Variants in CPQ observed in about 807,000 individuals in gnomAD.
The protein encoded by CPQ is carboxypeptidase Q, also known as Ser-Met dipeptidase.
In CPQ, 37 loss-of-function variants were observed where a neutral mutation model predicts 45.7. The ratio of observed to expected loss-of-function variants is 0.81; its 90% CI spans 0.62 to 1.07. CPQ has a LOEUF of 1.07. Among genes scored for constraint, CPQ ranks in the 50% least tolerant of loss-of-function variants. The pLI is 0.00. For synonymous variants in CPQ, 186 were observed against 205.8 expected (o/e 0.90, Z 0.82); for missense variants, 537 against 572.9 (o/e 0.94, Z 0.64).
chr8:96,698,717 A>G (rs1046330061), intron 1 of CPQ, among the ~76,000 whole-genome samples: 9 of 151,728 alleles, frequency 5.9e-5, no homozygotes, highest in African/African-American at 2.2e-4. Context: ...GAAGGCAAAC[A>G]AGTGTTGCAA....
At chr8:96,870,027 TA>T (rs1407665771) in intron 3 of CPQ, among the ~76,000 whole-genome samples, 4 of 152,010 alleles carry the variant, frequency 2.6e-5, no homozygotes, top group Non-Finnish European at 5.9e-5. Flanking sequence ...TAAATGTGCG[TA>T]AATGGGTATA....
At chr8:97,017,364 C>A (rs1469483375) in intron 5 of CPQ, among the ~76,000 whole-genome samples, 1 of 152,182 alleles carries the variant, frequency 6.6e-6, no homozygotes, top group Admixed American at 6.5e-5. Context: ...AGGAAACCTC[C>A]AGCTGAACTT....
chr8:96,894,946 A>T (rs1283373977), intron 4 of CPQ, among the ~76,000 whole-genome samples: 1 of 152,228 alleles, frequency 6.6e-6, no homozygotes, highest in Non-Finnish European at 1.5e-5. Flanking sequence ...TTTACTTGGC[A>T]TCATGCTAAC....
At chr8:96,842,203 G>GA (rs989584132) in intron 3 of CPQ, among the ~76,000 whole-genome samples, 23 of 151,978 alleles carry the variant, frequency 1.5e-4, no homozygotes, top group African/African-American at 2.7e-4. Flanking sequence ...TTTTTAATGG[G>GA]AAAAAAATTA....
At chr8:96,738,137 A>C (rs1810016904) in intron 1 of CPQ, among the ~76,000 whole-genome samples, 1 of 152,066 alleles carries the variant, frequency 6.6e-6, no homozygotes, top group Non-Finnish European at 1.5e-5. Flanking sequence ...TTATGGCCTG[A>C]AATGTGGTTA....
At chr8:96,999,571 C>T (rs1359706835) in intron 5 of CPQ, among the ~76,000 whole-genome samples, 2 of 151,992 alleles carry the variant, frequency 1.3e-5, no homozygotes, top group African/African-American at 4.8e-5. Flanking sequence ...AACATGATCT[C>T]GTTCTTTTTT....
chr8:96,860,475 AC>A (rs1208279834), intron 3 of CPQ, among the ~76,000 whole-genome samples: 2 of 152,128 alleles, frequency 1.3e-5, no homozygotes, highest in Non-Finnish European at 2.9e-5. Context: ...GTATTTGAAT[AC>A]CTTTTCCAAT....
intron 4 of CPQ, among the ~76,000 whole-genome samples, chr8:96,906,340 A>T (rs1317880120): frequency 1.3e-5 from 2 of 152,226 alleles, no homozygotes; most frequent in Non-Finnish European, 2.9e-5. Flanking sequence ...ACTGGATAAA[A>T]GAGGTAATGC....
At chr8:96,973,279 A>G (rs1240401656) in intron 5 of CPQ, among the ~76,000 whole-genome samples, 1 of 152,172 alleles carries the variant, frequency 6.6e-6, no homozygotes, top group African/African-American at 2.4e-5. Context: ...TTCAGAGTTC[A>G]AAGACAAGGC....
intron 6 of CPQ, among the ~76,000 whole-genome samples, chr8:97,060,108 A>G (rs1445764864): frequency 1.3e-5 from 2 of 152,300 alleles, no homozygotes; most frequent in East Asian, 1.9e-4. Context: ...TAAACAAAGA[A>G]GCCAAATTTG....
intron 1 of CPQ, among the ~76,000 whole-genome samples, chr8:96,753,976 A>G (rs1412908786): frequency 1.4e-4 from 21 of 151,962 alleles, no homozygotes; most frequent in Admixed American, 1.4e-3. Context: ...TTTTAAAATA[A>G]TTATGTCCTC....
intron 4 of CPQ, among the ~76,000 whole-genome samples, chr8:96,941,722 C>T (rs556672036): frequency 6.6e-6 from 1 of 152,178 alleles, no homozygotes; most frequent in East Asian, 1.9e-4. Context: ...GTTTTTCTTT[C>T]CTGCTAGGTA....
intron 2 of CPQ, among the ~76,000 whole-genome samples, chr8:96,787,924 C>T (rs1414610841): frequency 1.1e-5 from 1 of 93,242 alleles, no homozygotes; most frequent in Non-Finnish European, 2.6e-5. Context: ...TGCTTTTGGG[C>T]AGAACAACTG....
At chr8:96,949,502 C>G (rs1813232005) in intron 4 of CPQ, among the ~76,000 whole-genome samples, 1 of 151,932 alleles carries the variant, frequency 6.6e-6, no homozygotes. Context: ...TATCAGCCAC[C>G]CTTGCCAATG....
chr8:96,672,089 A>T (rs1809011183), intron 1 of CPQ, among the ~76,000 whole-genome samples: 1 of 90,806 alleles, frequency 1.1e-5, no homozygotes, highest in African/African-American at 3.6e-5. Flanking sequence ...CTATGTAATA[A>T]AAATAAACTA....
At chr8:96,774,110 A>G (rs1423262507) in intron 1 of CPQ, among the ~76,000 whole-genome samples, 1 of 152,038 alleles carries the variant, frequency 6.6e-6, no homozygotes, top group African/African-American at 2.4e-5. Flanking sequence ...ATCTCTACTA[A>G]AAATAGAAAA....
At chr8:96,954,022 T>A (rs1231338115) in intron 4 of CPQ, among the ~76,000 whole-genome samples, 1 of 152,158 alleles carries the variant, frequency 6.6e-6, no homozygotes, top group Non-Finnish European at 1.5e-5. Context: ...TTAAACAAGA[T>A]TGTATCAAGG....
At chr8:96,790,465 A>G (rs994158560) in intron 2 of CPQ, among the ~76,000 whole-genome samples, 3 of 152,134 alleles carry the variant, frequency 2.0e-5, no homozygotes, top group African/African-American at 7.2e-5. Context: ...GGGTAGAGGA[A>G]TGGCACCTCA....
chr8:97,068,053 A>G lies in CPQ; in HGVS notation c.1255+1843A>G, dbSNP rs186331412. Among the ~76,000 whole-genome samples, 55 of 152,304 alleles carry G rather than the reference A, an allele frequency of 3.6e-4. No homozygotes were observed. The East Asian group carries it at 0.01, about 28-fold the overall frequency. On this transcript the variant is annotated intron_variant, in intron 7 of 7. Coordinates refer to ENST00000220763, the MANE Select transcript of CPQ (RefSeq NM_016134.4). ...ACGGGGGGTGGTTCAAGGTGAGGTA[A>G]GGAGCTGAAACCTAAGACAGAATTG...
Sources: allele counts gnomAD v4.1 joint callset (sites outside exome capture counted in the v4.1 genomes callset), GRCh38; gene constraint gnomAD v4.1.1; transcripts MANE v1.5; gene names NCBI Gene and HGNC (gene_info 2026-07-23, HGNC 2026-07-21).